The following ERG variants were observed in gnomAD, a reference collection of about 807,000 sequenced individuals.
The protein encoded by ERG is transcriptional regulator ERG.
In ERG, 9 loss-of-function variants were observed where a neutral mutation model predicts 55.3. That is an observed-to-expected ratio of 0.16 (90% confidence interval 0.10 to 0.28). ERG has a LOEUF of 0.28. Ranked by LOEUF, ERG falls within the 10% of genes least tolerant of loss-of-function variation. The pLI is 1.00. For synonymous variants in ERG, 223 were observed against 237.3 expected (o/e 0.94, Z 0.55); for missense variants, 434 against 631.6 (o/e 0.69, Z 3.35).
chr21:38,505,433 C>T (rs2059453148), intron 2 of ERG, among the ~76,000 whole-genome samples: 1 of 152,200 alleles, frequency 6.6e-6, no homozygotes, highest in Non-Finnish European at 1.5e-5. Flanking sequence ...GAAGTGAAGG[C>T]AGGCCAGTTC....
intron 1 of ERG, among the ~76,000 whole-genome samples, chr21:38,461,190 G>A (rs999449463): frequency 2.0e-5 from 3 of 152,088 alleles, no homozygotes; most frequent in Admixed American, 6.5e-5. Flanking sequence ...GTAGCAGCGG[G>A]GTTGATTCCT....
chr21:38,399,952 C>A (rs959268459), intron 6 of ERG: 1 of 212,214 alleles, frequency 4.7e-6, no homozygotes, highest in Non-Finnish European at 9.7e-6. Context: ...AATGAACAAA[C>A]CAAGCTGAAT....
At chr21:38,628,749 A>G (rs2060339804) in intron 1 of ERG, among the ~76,000 whole-genome samples, 1 of 152,134 alleles carries the variant, frequency 6.6e-6, no homozygotes, top group South Asian at 2.1e-4. Context: ...TCTCAGAATC[A>G]CACCTTTCGT....
intron 2 of ERG, among the ~76,000 whole-genome samples, chr21:38,575,268 G>A (rs529780829): frequency 1.3e-5 from 2 of 152,278 alleles, no homozygotes; most frequent in African/African-American, 4.8e-5. Context: ...GAAGAATTTG[G>A]ATGTGATTTC....
chr21:38,419,709 C>G (rs1031798894), intron 3 of ERG, among the ~76,000 whole-genome samples: 5 of 152,180 alleles, frequency 3.3e-5, no homozygotes, highest in Non-Finnish European at 7.3e-5. Context: ...AAGTGACAGT[C>G]TACATTTATC....
At chr21:38,527,588 C>A (rs2059639216) in intron 2 of ERG, among the ~76,000 whole-genome samples, 1 of 152,134 alleles carries the variant, frequency 6.6e-6, no homozygotes, top group Non-Finnish European at 1.5e-5. Context: ...GCGTTGATTG[C>A]AGTTTTCTGC....
chr21:38,612,081 A>C (rs562367421), intron 1 of ERG, among the ~76,000 whole-genome samples: 112 of 152,196 alleles, frequency 7.4e-4, no homozygotes, highest in Non-Finnish European at 1.3e-3. Context: ...TGCGGGTGAC[A>C]TTCCCAAGAC....
chr21:38,602,253 GC>G (rs1184599499), intron 1 of ERG, among the ~76,000 whole-genome samples: 3 of 152,062 alleles, frequency 2.0e-5, no homozygotes, highest in African/African-American at 7.3e-5. Context: ...GATCATCCTG[GC>G]TAACATGGTG....
At chr21:38,531,486 G>A (rs1176816244) in intron 2 of ERG, among the ~76,000 whole-genome samples, 3 of 151,754 alleles carry the variant, frequency 2.0e-5, no homozygotes, top group South Asian at 2.1e-4. Context: ...TCTCAGACTC[G>A]CCAGAGGCAA....
At chr21:38,461,977 TTTTC>T (rs1189447956) in intron 1 of ERG, among the ~76,000 whole-genome samples, 1 of 151,726 alleles carries the variant, frequency 6.6e-6, no homozygotes, top group Non-Finnish European at 1.5e-5. Context: ...GCTAATTTTT[TTTTC>T]TTTTTCTTTT....
At chr21:38,658,825 A>G (rs879698669) in intron 1 of ERG, among the ~76,000 whole-genome samples, 2 of 152,242 alleles carry the variant, frequency 1.3e-5, no homozygotes, top group Admixed American at 6.5e-5. Flanking sequence ...TTTCTTTAAT[A>G]TAAAAGCAAA....
chr21:38,521,173 T>C (rs913128518), intron 2 of ERG, among the ~76,000 whole-genome samples: 9 of 152,172 alleles, frequency 5.9e-5, no homozygotes, highest in African/African-American at 1.9e-4. Context: ...CAGAGATTCA[T>C]GGACACAACT....
At chr21:38,469,664 T>TA (rs1011223042) in intron 1 of ERG, among the ~76,000 whole-genome samples, 64 of 152,258 alleles carry the variant, frequency 4.2e-4, no homozygotes, top group African/African-American at 1.3e-3. Flanking sequence ...CATGGAGAAG[T>TA]AAAAAAACAA....
At chr21:38,595,145 G>A (rs923000892) in intron 1 of ERG, among the ~76,000 whole-genome samples, 1 of 152,118 alleles carries the variant, frequency 6.6e-6, no homozygotes, top group African/African-American at 2.4e-5. Flanking sequence ...TTTTAGGCTA[G>A]GAAGTCCGAA....
chr21:38,391,642 C>T lies in ERG; in HGVS notation c.871+17G>A, dbSNP rs192172177. The T allele has an allele frequency of 6.2e-5, 100 of 1,602,990 alleles. 1 individual carries two copies. The East Asian group carries it at 1.4e-3, about 23-fold the overall frequency. On this transcript the variant is annotated intron_variant, in intron 8 of 9. Transcript: ENST00000288319. ...GAATCTTCTCTTATGGTTATCCAGA[C>T]GGCCCCTGAAACATACCTAACTGAG... is the stretch of plus-strand genomic sequence containing the variant.
chr21:38,367,725 A>G, the ERG span: 2 of 474,718 alleles, frequency 4.2e-6, no homozygotes, highest in South Asian at 1.6e-5. Context: ...TTAGAACAAG[A>G]CAGAATTCTG....
chr21:38,386,890 T>TA (rs977467742), intron 9 of ERG, among the ~76,000 whole-genome samples: 5 of 151,282 alleles, frequency 3.3e-5, no homozygotes, highest in Middle Eastern at 3.2e-3. Context: ...TATTTGGAGG[T>TA]AAAAAACAGT....
chr21:38,548,557 C>G (rs1345548746), intron 2 of ERG, among the ~76,000 whole-genome samples: 1 of 149,662 alleles, frequency 6.7e-6, no homozygotes, highest in African/African-American at 2.5e-5. Context: ...ACGCCATTCT[C>G]CTGCCTCAGC....
chr21:38,445,138 C>CTTTT (rs77891753), intron 2 of ERG, among the ~76,000 whole-genome samples: 90 of 136,638 alleles, frequency 6.6e-4, no homozygotes, highest in Non-Finnish European at 8.7e-4. Flanking sequence ...CTTTCTTCTT[C>CTTTT]TTTTTTTTTT....
Sources: gnomAD v4.1 joint callset for allele counts (sites outside exome capture counted in the v4.1 genomes callset) on GRCh38, gnomAD v4.1.1 for gene constraint, MANE v1.5 for transcripts, NCBI Gene and HGNC (gene_info 2026-07-23, HGNC 2026-07-21) for gene names.